Variants in MTFR1 observed in about 807,000 individuals in gnomAD.
MTFR1 encodes the protein mitochondrial fission regulator 1, also known as chondrocyte protein with a poly-proline region.
Under a neutral mutation model 38.8 loss-of-function variants are expected in MTFR1, and 28 were observed. That is an observed-to-expected ratio of 0.72 (90% confidence interval 0.53 to 0.99). The LOEUF is 0.99. Ranked by LOEUF, MTFR1 falls within the 50% of genes least tolerant of loss-of-function variation. The pLI is 0.00. For synonymous variants in MTFR1, 145 were observed against 137.0 expected, an observed-to-expected ratio of 1.06 and a Z score of -0.41; for missense variants, 358 against 395.5, an observed-to-expected ratio of 0.91 and a Z score of 0.81.
downstream of MTFR1, among the ~76,000 whole-genome samples, chr8:65,771,412 A>G (rs1809077046): frequency 6.6e-6 from 1 of 152,234 alleles, no homozygotes; most frequent in Admixed American, 6.5e-5. Flanking sequence ...GATACAGCAC[A>G]TAGAAGAAAT....
chr8:65,738,257 G>A (rs760658933), intron 3 of MTFR1, among the ~76,000 whole-genome samples: 2 of 138,224 alleles, frequency 1.4e-5, no homozygotes, highest in Non-Finnish European at 3.1e-5. Context: ...CTGTATATAA[G>A]CAAAATTGTA....
At chr8:65,704,387 A>G (rs575786162) in intron 4 of MTFR1, among the ~76,000 whole-genome samples, 56 of 152,342 alleles carry the variant, frequency 3.7e-4, no homozygotes, top group African/African-American at 1.3e-3. Context: ...CTTAGTTCAA[A>G]TCAAAAGAAA....
intron 3 of MTFR1, among the ~76,000 whole-genome samples, chr8:65,740,462 G>T (rs536405758): frequency 1.3e-5 from 2 of 152,098 alleles, no homozygotes; most frequent in Admixed American, 1.3e-4. Flanking sequence ...GTACAATGGT[G>T]CGATCTTGGC....
chr8:65,648,864 C>G (rs949861550), intron 1 of MTFR1, among the ~76,000 whole-genome samples: 1 of 151,864 alleles, frequency 6.6e-6, no homozygotes, highest in Non-Finnish European at 1.5e-5. Flanking sequence ...TTCTTTGTTG[C>G]CAGGTTGGAG....
intron 1 of MTFR1, among the ~76,000 whole-genome samples, chr8:65,655,986 G>GTATATATATATATATA (rs1809259018): frequency 1.9e-5 from 1 of 53,700 alleles, no homozygotes; most frequent in African/African-American, 1.1e-4. Context: ...TATATATATG[G>GTATATATATATATATA]TAGTGGGTTG....
At chr8:65,708,311 TA>T in intron 7 of MTFR1, 1 of 447,442 alleles carries the variant, frequency 2.2e-6, no homozygotes, top group South Asian at 2.2e-5. Context: ...CACTACTAAG[TA>T]ATCTCCAATG....
chr8:65,753,115 C>T (rs1289838761), intron 3 of MTFR1, among the ~76,000 whole-genome samples: 1 of 152,148 alleles, frequency 6.6e-6, no homozygotes, highest in East Asian at 1.9e-4. Context: ...TTCATCAGTT[C>T]TATGGCAGCA....
intron 3 of MTFR1, among the ~76,000 whole-genome samples, chr8:65,729,350 T>C (rs917436325): frequency 2.0e-5 from 3 of 149,298 alleles, no homozygotes; most frequent in Non-Finnish European, 3.0e-5. Flanking sequence ...CACAGTGAGT[T>C]TCGTTGGTGG....
intron 3 of MTFR1, chr8:65,734,871 T>G (rs1807058092): frequency 1.9e-6 from 3 of 1,610,096 alleles, no homozygotes; most frequent in African/African-American, 2.7e-5. Flanking sequence ...GGATTTTGAC[T>G]GTGGTAATCT....
At chr8:65,708,089 T>C in intron 7 of MTFR1, 78 bp downstream of exon 7, 1 of 1,604,096 alleles carries the variant, frequency 6.2e-7, no homozygotes, top group Non-Finnish European at 8.5e-7. Context: ...TTGCAAGTGA[T>C]TCACCTGTGT....
chr8:65,666,276 G>A (rs1223474400), intron 1 of MTFR1, among the ~76,000 whole-genome samples: 1 of 147,950 alleles, frequency 6.8e-6, no homozygotes, highest in Non-Finnish European at 1.5e-5. Context: ...GTGTGGTGGC[G>A]CATGCCTGTA....
At chr8:65,648,217 C>T (rs1480397506) in intron 1 of MTFR1, among the ~76,000 whole-genome samples, 4 of 152,124 alleles carry the variant, frequency 2.6e-5, no homozygotes, top group African/African-American at 7.2e-5. Flanking sequence ...CGGGGTTTCA[C>T]TGTGTTAGCC....
chr8:65,736,204 G>A (rs995252579), intron 3 of MTFR1, among the ~76,000 whole-genome samples: 1 of 152,052 alleles, frequency 6.6e-6, no homozygotes, highest in Non-Finnish European at 1.5e-5. Flanking sequence ...TAAGGGTGAC[G>A]AACACAAGCA....
At chr8:65,773,035 T>A (rs1257453118), downstream of MTFR1, among the ~76,000 whole-genome samples, 1 of 151,974 alleles carries the variant, frequency 6.6e-6, no homozygotes, top group Non-Finnish European at 1.5e-5. Flanking sequence ...AAAAGTTTTG[T>A]AAGCTAACTC....
chr8:65,720,819 A>G (rs999728960), intron 3 of MTFR1, among the ~76,000 whole-genome samples: 1 of 152,198 alleles, frequency 6.6e-6, no homozygotes, highest in Non-Finnish European at 1.5e-5. Context: ...TCTGGCAGCC[A>G]TCTTCACACT....
intron 3 of MTFR1, among the ~76,000 whole-genome samples, chr8:65,730,017 G>T (rs1284231737): frequency 6.6e-6 from 1 of 151,886 alleles, no homozygotes; most frequent in Non-Finnish European, 1.5e-5. Flanking sequence ...TCCATGGCCT[G>T]TTAGGAACCT....
At chr8:65,662,862 G>A in intron 1 of MTFR1, among the ~76,000 whole-genome samples, 1 of 151,230 alleles carries the variant, frequency 6.6e-6, no homozygotes, top group Non-Finnish European at 1.5e-5. Context: ...GGAGGTGGGG[G>A]GGTTAGGCCC....
At chr8:65,734,663 A>G in intron 3 of MTFR1, 1 of 623,600 alleles carries the variant, frequency 1.6e-6, no homozygotes, top group Non-Finnish European at 2.9e-6. Context: ...AACTTGATCC[A>G]GCTAGATCTC....
intron 1 of MTFR1, among the ~76,000 whole-genome samples, chr8:65,661,729 C>T (rs943698720): frequency 2.6e-5 from 4 of 151,982 alleles, no homozygotes; most frequent in African/African-American, 7.3e-5. Flanking sequence ...TTTGGGAAGC[C>T]GAGGCGGGAG....
Sources: gnomAD v4.1 joint callset for allele counts (sites outside exome capture counted in the v4.1 genomes callset) on GRCh38, gnomAD v4.1.1 for gene constraint, MANE v1.5 for transcripts, NCBI Gene and HGNC (gene_info 2026-07-23, HGNC 2026-07-21) for gene names.